The following KLF15 variants were observed in gnomAD, a reference collection of about 807,000 sequenced individuals.
KLF15 encodes the protein Krueppel-like factor 15.
KLF15 carries 4 observed loss-of-function variants against 24.6 expected under a neutral mutation model. The ratio of observed to expected loss-of-function variants is 0.16; its 90% CI spans 0.08 to 0.37. The LOEUF (loss-of-function observed/expected upper bound fraction) is 0.37. Among genes scored for constraint, KLF15 ranks in the 10% least tolerant of loss-of-function variants. The pLI is 1.00. For missense variants in KLF15, 496 were observed against 560.6 expected, an observed-to-expected ratio of 0.88 and a Z score of 1.16; for synonymous variants, 246 against 236.3, an observed-to-expected ratio of 1.04 and a Z score of -0.37.
chr3:126,324,806 C>CTTTTTT, the KLF15 span, among the ~76,000 whole-genome samples: 1 of 59,580 alleles, frequency 1.7e-5, no homozygotes, highest in Non-Finnish European at 3.0e-5. Flanking sequence ...TTTTTTCGCT[C>CTTTTTT]TTTTTTTTTT....
chr3:126,346,155 G>A (rs139620527), intron 2 of KLF15, among the ~76,000 whole-genome samples: 1 of 152,352 alleles, frequency 6.6e-6, no homozygotes, highest in Non-Finnish European at 1.5e-5. Context: ...GGCAGTCAAA[G>A]CTGACACCTG....
At chr3:126,300,487 G>A in the KLF15 span, among the ~76,000 whole-genome samples, 1 of 152,160 alleles carries the variant, frequency 6.6e-6, no homozygotes, top group African/African-American at 2.4e-5. Flanking sequence ...GGTAGGTGTG[G>A]GCAGTGACAA....
the KLF15 span, among the ~76,000 whole-genome samples, chr3:126,294,899 A>G: frequency 6.6e-6 from 1 of 151,506 alleles, no homozygotes; most frequent in Non-Finnish European, 1.5e-5. Context: ...ACACACACAC[A>G]CACACAGATA....
At chr3:126,338,039 C>G (rs1317248025), downstream of KLF15, among the ~76,000 whole-genome samples, 1 of 152,190 alleles carries the variant, frequency 6.6e-6, no homozygotes, top group African/African-American at 2.4e-5. Flanking sequence ...AAGCATTTTG[C>G]CAGCGTGAGA....
chr3:126,317,422 CTG>C, the KLF15 span, among the ~76,000 whole-genome samples: 1 of 152,126 alleles, frequency 6.6e-6, no homozygotes, highest in Non-Finnish European at 1.5e-5. Flanking sequence ...AAACCTGAAA[CTG>C]GTGATCAGCA....
At chr3:126,328,793 T>G in the KLF15 span, among the ~76,000 whole-genome samples, 1 of 152,254 alleles carries the variant, frequency 6.6e-6, no homozygotes, top group Non-Finnish European at 1.5e-5. Context: ...TTCATTTTTC[T>G]GCATATTTAC....
chr3:126,317,992 C>T, the KLF15 span, among the ~76,000 whole-genome samples: 1 of 152,156 alleles, frequency 6.6e-6, no homozygotes, highest in Non-Finnish European at 1.5e-5. Context: ...TTCCGGTCAC[C>T]TTGTTTTCTG....
At chr3:126,348,404 G>A (rs950140361) in intron 2 of KLF15, among the ~76,000 whole-genome samples, 3 of 152,086 alleles carry the variant, frequency 2.0e-5, no homozygotes, top group East Asian at 1.9e-4. Flanking sequence ...CTTTTGGGCC[G>A]ACCTCTTGGT....
At chr3:126,349,089 G>A (rs1322355450) in intron 2 of KLF15, among the ~76,000 whole-genome samples, 1 of 152,096 alleles carries the variant, frequency 6.6e-6, no homozygotes, top group African/African-American at 2.4e-5. Flanking sequence ...AGCTGCAGGG[G>A]CTCCCTCTCA....
chr3:126,302,156 CTACT>C, the KLF15 span, among the ~76,000 whole-genome samples: 1 of 152,126 alleles, frequency 6.6e-6, no homozygotes, highest in African/African-American at 2.4e-5. Flanking sequence ...TAAAAGTGTG[CTACT>C]TACTTCTCAA....
chr3:126,322,137 T>C, the KLF15 span, among the ~76,000 whole-genome samples: 1 of 152,224 alleles, frequency 6.6e-6, no homozygotes, highest in African/African-American at 2.4e-5. Flanking sequence ...TTGGTGTTTT[T>C]CCCACCTCTA....
chr3:126,321,385 G>A, the KLF15 span, among the ~76,000 whole-genome samples: 2 of 152,236 alleles, frequency 1.3e-5, no homozygotes, highest in South Asian at 4.1e-4. Flanking sequence ...TGCCTGCTGT[G>A]GGGAGGAGGT....
At chr3:126,334,031 G>A in the KLF15 span, among the ~76,000 whole-genome samples, 6 of 152,056 alleles carry the variant, frequency 3.9e-5, no homozygotes, top group South Asian at 8.3e-4. Flanking sequence ...AAAGTCAACA[G>A]GGATACCCAG....
chr3:126,339,706 A>T (rs938390), downstream of KLF15, among the ~76,000 whole-genome samples: 117,327 of 152,046 alleles, frequency 0.77, 45,446 homozygotes, highest in African/African-American at 0.82. Flanking sequence ...TGAACCAATA[A>T]AACACAAGGA....
the KLF15 span, among the ~76,000 whole-genome samples, chr3:126,308,087 C>T: frequency 6.6e-6 from 1 of 152,184 alleles, no homozygotes; most frequent in Non-Finnish European, 1.5e-5. Flanking sequence ...GACGGGGGCA[C>T]CTTCCTGGCC....
chr3:126,331,004 G>A, the KLF15 span, among the ~76,000 whole-genome samples: 1 of 152,220 alleles, frequency 6.6e-6, no homozygotes, highest in South Asian at 2.1e-4. Flanking sequence ...GAAGCTGGAA[G>A]TGAACTGACA....
the KLF15 span, among the ~76,000 whole-genome samples, chr3:126,312,118 G>A: frequency 6.6e-6 from 1 of 152,204 alleles, no homozygotes; most frequent in Admixed American, 6.5e-5. Flanking sequence ...AGACTCCAGT[G>A]TGCAGCAGAT....
chr3:126,307,547 C>A, the KLF15 span, among the ~76,000 whole-genome samples: 2 of 152,198 alleles, frequency 1.3e-5, no homozygotes, highest in Admixed American at 6.5e-5. Context: ...ACCCCCGACA[C>A]AGCCAGCGCT....
chr3:126,302,102 C>T, the KLF15 span, among the ~76,000 whole-genome samples: 2 of 152,080 alleles, frequency 1.3e-5, no homozygotes. Context: ...AGTTCAAAAA[C>T]CTTTACAATT....
Sources: gnomAD v4.1 joint callset for allele counts (sites outside exome capture counted in the v4.1 genomes callset) on GRCh38, gnomAD v4.1.1 for gene constraint, MANE v1.5 for transcripts, NCBI Gene and HGNC (gene_info 2026-07-23, HGNC 2026-07-21) for gene names.